Variants in CSNK1G2 observed in about 807,000 individuals in gnomAD.
The protein encoded by CSNK1G2 is casein kinase I isoform gamma-2.
A neutral mutation model predicts 48.0 loss-of-function variants in CSNK1G2; 11 were observed. The observed-to-expected ratio is 0.23, with a 90% CI of 0.14 to 0.38. The LOEUF (loss-of-function observed/expected upper bound fraction) is 0.38, where lower values mean the gene tolerates loss of function less well. Among genes scored for constraint, CSNK1G2 ranks in the 10% least tolerant of loss-of-function variants. The pLI is 1.00. For synonymous variants in CSNK1G2, 337 were observed against 254.1 expected, an observed-to-expected ratio of 1.33 and a Z score of -3.10; for missense variants, 446 against 595.5, an observed-to-expected ratio of 0.75 and a Z score of 2.61.
Position 1,978,623 on chromosome 19 carries a change from A to T in CSNK1G2, c.320A>T (p.Tyr107Phe). Residue 107 changes from tyrosine to phenylalanine, a missense_variant, in exon 5 of 12, where the codon TAC becomes TTC. This residue lies in a region of CSNK1G2 where 258 missense variants were observed against 415.9 expected (regional missense o/e 0.62). Coordinates refer to ENST00000255641, the MANE Select transcript of CSNK1G2 (RefSeq NM_001319.7). This position sits in a 1 kb window ranked among gnomAD's most constrained non-coding sequence, Gnocchi z 7.3. ...SATEGVPQVY[Y>F]FGPCGKYNAM... ...GCAGAGGGCGTCCCTCAGGTCTACT[A>T]CTTCGGTCCGTGCGGGAAGTACAAC... 1 of 1,602,106 alleles carries T rather than the reference A, an allele frequency of 6.2e-7. No individual in the cohort carries two copies. Among genetic ancestry groups the T allele is most frequent in the Non-Finnish European group, 8.5e-7 (1 of 1,174,966 alleles).
At chr19:1,971,406 C>T (rs2015564542) in intron 2 of CSNK1G2, among the ~76,000 whole-genome samples, 3 of 152,274 alleles carry the variant, frequency 2.0e-5, no homozygotes, top group South Asian at 4.1e-4. Context: ...GCCCGGGCTC[C>T]GTTTCTCAGC....
At position 1,957,087 on chromosome 19, in the gene CSNK1G2, A is replaced by G. The variant is rs970869920; in HGVS notation, c.-265-12421A>G. On this transcript the variant is annotated intron_variant, in intron 1 of 11. Coordinates refer to ENST00000255641, the MANE Select transcript of CSNK1G2 (RefSeq NM_001319.7). The surrounding 1 kb of genome is among the most constrained non-coding windows in gnomAD (Gnocchi z 5.4). ...GCGTGGCTTAAACGGTGCCACCCGG[A>G]GATTGGTGGGCGGGATTGGGCCTCT... Among the ~76,000 whole-genome samples the G allele has an allele frequency of 3.9e-5, 6 of 151,954 alleles. No homozygotes were observed. Among genetic ancestry groups the G allele is most frequent in the African/African-American group, 1.5e-4 (6 of 41,362 alleles).
chr19:1,978,318 T>C lies in CSNK1G2; in HGVS notation c.201T>C (p.Tyr67=), dbSNP rs2015831527. Residue 67 remains tyrosine, a synonymous_variant, in exon 3 of 12, where the codon TAT becomes TAC. Coordinates refer to ENST00000255641, the MANE Select transcript of CSNK1G2 (RefSeq NM_001319.7). This position sits in a 1 kb window ranked among gnomAD's most constrained non-coding sequence, Gnocchi z 7.3. The part of the protein sequence containing the change: ...FGELRLGKNL[Y]TNEYVAIKLE... ...CTGTCCCCGCAGGAAAGAATCTCTA[T>C]ACAAATGAATACGTGGCTATCAAAT... 2 of 1,613,518 alleles carry C rather than the reference T, an allele frequency of 1.2e-6. No homozygotes were observed. Among genetic ancestry groups the C allele is most frequent in the Non-Finnish European group, 1.7e-6 (2 of 1,179,852 alleles).
At chr19:1,964,951 C>T (rs1666170718) in intron 1 of CSNK1G2, among the ~76,000 whole-genome samples, 1 of 151,080 alleles carries the variant, frequency 6.6e-6, no homozygotes, top group Non-Finnish European at 1.5e-5. Context: ...TGGTCTCGAT[C>T]TCCTGACTTC....
chr19:1,956,749 G>A (rs1212931328), intron 1 of CSNK1G2, among the ~76,000 whole-genome samples: 1 of 152,184 alleles, frequency 6.6e-6, no homozygotes, highest in Non-Finnish European at 1.5e-5. Context: ...ATCGGGACAC[G>A]GGGCCGTGGG....
chr19:1,979,669 G>A, intron 9 of CSNK1G2, 26 bp downstream of exon 9: 1 of 1,601,530 alleles, frequency 6.2e-7, no homozygotes, highest in Admixed American at 1.7e-5. Context: ...CCGGTATGTG[G>A]GAGCGGGGGA....
intron 1 of CSNK1G2, among the ~76,000 whole-genome samples, chr19:1,945,978 G>A (rs189195117): frequency 6.6e-6 from 1 of 152,302 alleles, no homozygotes; most frequent in Admixed American, 6.5e-5. Context: ...AGTGGAGTGG[G>A]GCAAGAGACT....
intron 1 of CSNK1G2, among the ~76,000 whole-genome samples, chr19:1,950,018 C>A (rs1362197883): frequency 6.6e-6 from 1 of 152,262 alleles, no homozygotes; most frequent in Non-Finnish European, 1.5e-5. Context: ...AGGCCGGAGG[C>A]ATCCAGTGTC....
rs1033935286 is a variant in CSNK1G2 at position 1,957,248 on chromosome 19, G to A, written c.-265-12260G>A. Among the ~76,000 whole-genome samples, 1 of 152,234 alleles carries A rather than the reference G, an allele frequency of 6.6e-6. No individual in the cohort carries two copies. The highest frequency in any genetic ancestry group is 2.4e-5 in the African/African-American group (1 of 41,452). ...TCAGGAGGGATAGCCTACACGGAGA[G>A]CAGGCCAGTGGCCCTGTGCCCAGGA... On this transcript the variant is annotated intron_variant, in intron 1 of 11. Transcript: ENST00000255641. This position sits in a 1 kb window ranked among gnomAD's most constrained non-coding sequence, Gnocchi z 5.4.
At chr19:1,977,466 C>T (rs2015798093) in intron 2 of CSNK1G2, among the ~76,000 whole-genome samples, 1 of 152,208 alleles carries the variant, frequency 6.6e-6, no homozygotes. Context: ...TAAAAAGCTG[C>T]ACCCTGGCCT....
chr19:1,949,678 T>A (rs556471017), intron 1 of CSNK1G2, among the ~76,000 whole-genome samples: 2 of 152,228 alleles, frequency 1.3e-5, no homozygotes, highest in Non-Finnish European at 2.9e-5. Context: ...TTGGACCATT[T>A]GAGGAGCCGC....
intron 1 of CSNK1G2, among the ~76,000 whole-genome samples, chr19:1,955,859 G>A (rs551063113): frequency 1.0e-3 from 153 of 152,340 alleles, no homozygotes; most frequent in South Asian, 9.1e-3. Context: ...CCTGAGGCCG[G>A]GCACAGGGAG....
At chr19:1,949,878 G>T (rs1267251600) in intron 1 of CSNK1G2, among the ~76,000 whole-genome samples, 1 of 152,252 alleles carries the variant, frequency 6.6e-6, no homozygotes, top group Admixed American at 6.5e-5. Flanking sequence ...AAAGCCAGGG[G>T]TCCTGCATGT....
At position 1,969,663 on chromosome 19, in the gene CSNK1G2, CG is replaced by C. The variant is rs1763461326; in HGVS notation, c.-108del. On this transcript the variant is annotated 5_prime_UTR_variant, in exon 2 of 12. Transcript: ENST00000255641. ...GAGCCACGGGCCCACGCCCGCCCACCGGCCGCAGTGATGTTCTAGCCACAGA... is the reference window on the plus strand; with the variant it reads ...GAGCCACGGGCCCACGCCCGCCCACCGCCGCAGTGATGTTCTAGCCACAGA... The C allele has an allele frequency of 2.0e-6, 2 of 1,012,468 alleles. No homozygotes were observed. The highest frequency in any genetic ancestry group is 2.6e-6 in the Non-Finnish European group (2 of 776,146). The allele number at this position is 1,012,468 out of a possible 1,614,324, so 62.7% of individuals were successfully genotyped here.
intron 1 of CSNK1G2, among the ~76,000 whole-genome samples, chr19:1,951,995 C>T (rs530299530): frequency 2.6e-4 from 40 of 152,240 alleles, no homozygotes; most frequent in South Asian, 1.7e-3. Context: ...CTGCTGTTTT[C>T]TGACTCAACA....
intron 1 of CSNK1G2, chr19:1,952,566 T>G (rs2014805821): frequency 6.4e-6 from 1 of 155,336 alleles, no homozygotes; most frequent in Non-Finnish European, 1.4e-5. Context: ...TCAAGTGATC[T>G]TCCCACCTCG....
intron 1 of CSNK1G2, chr19:1,952,511 CCG>C (rs2014803666): frequency 6.6e-6 from 1 of 152,636 alleles, no homozygotes; most frequent in Non-Finnish European, 1.5e-5. Flanking sequence ...TTAGAAGAGA[CCG>C]GGGTTACACC....
At chr19:1,943,630 T>C (rs2014447623) in intron 1 of CSNK1G2, among the ~76,000 whole-genome samples, 1 of 150,968 alleles carries the variant, frequency 6.6e-6, no homozygotes, top group Non-Finnish European at 1.5e-5. Context: ...GGGGGGGCAC[T>C]GTGTCTTTTG....
chr19:1,953,919 T>G (rs768948666), intron 1 of CSNK1G2: 3 of 533,892 alleles, frequency 5.6e-6, no homozygotes, highest in Non-Finnish European at 1.2e-5. Context: ...CTCGTGGGCG[T>G]CTCCGGTGCA....
Sources: gnomAD v4.1 joint callset for allele counts (sites outside exome capture counted in the v4.1 genomes callset) on GRCh38, gnomAD v4.1.1 for gene constraint, gnomAD v4.1.1 regional missense constraint, Gnocchi (gnomAD v3.1) non-coding constraint, MANE v1.5 for transcripts, NCBI Gene and HGNC (gene_info 2026-07-23, HGNC 2026-07-21) for gene names.